TMEM260: variants seen among roughly 807,000 people sequenced by gnomAD.
TMEM260 encodes the protein transmembrane protein 260.
In TMEM260, 82 loss-of-function variants were observed where a neutral mutation model predicts 88.9. That is an observed-to-expected ratio of 0.92 (90% CI 0.77 to 1.11). TMEM260 has a LOEUF of 1.11. Among genes scored for constraint, TMEM260 ranks in the 50% least tolerant of loss-of-function variants. TMEM260 has a pLI of 0.00. For synonymous variants in TMEM260, 314 were observed against 309.3 expected (o/e 1.02, Z -0.16); for missense variants, 902 against 853.4 (o/e 1.06, Z -0.71).
intron 3 of TMEM260, among the ~76,000 whole-genome samples, chr14:56,591,014 T>A (rs1429103034): frequency 1.3e-5 from 2 of 152,204 alleles, no homozygotes; most frequent in Non-Finnish European, 2.9e-5. Context: ...ACTTTATAAT[T>A]GTGAAGCTAG....
downstream of TMEM260, chr14:56,650,209 G>T: frequency 7.6e-6 from 3 of 394,684 alleles, no homozygotes; most frequent in Non-Finnish European, 1.5e-5. Context: ...CCATGGTTTG[G>T]CAGGAAGACA....
At position 56,621,590 on chromosome 14, in the gene TMEM260, C is replaced by G; in HGVS notation, c.1286C>G (p.Ser429Cys). ...AAGTTCGCAAAGAACCTTCTCACCT[C>G]TATGCCTCATGATGCAATTATCTTA... ...IDKFAKNLLT[S>C]MPHDAIILLR... The change falls in exon 11 of 16, where the codon TCT (serine) becomes TGT (cysteine). Residue 429 changes from serine to cysteine, a missense_variant. Transcript: ENST00000261556. The G allele has an allele frequency of 6.2e-7, 1 of 1,613,580 alleles. No homozygotes were observed. The highest frequency in any genetic ancestry group is 8.5e-7 in the Non-Finnish European group (1 of 1,179,762).
At chr14:56,614,398 A>G (rs1422095721) in intron 7 of TMEM260, among the ~76,000 whole-genome samples, 1 of 152,032 alleles carries the variant, frequency 6.6e-6, no homozygotes, top group Non-Finnish European at 1.5e-5. Context: ...ATAAAGATAA[A>G]GACAGTCAAA....
chr14:56,650,291 A>C (rs2139667906), downstream of TMEM260: 2 of 320,188 alleles, frequency 6.2e-6, no homozygotes, highest in Non-Finnish European at 1.2e-5. Flanking sequence ...AAACTGTCTG[A>C]CTCTCCACAT....
intron 9 of TMEM260, among the ~76,000 whole-genome samples, chr14:56,618,318 C>T (rs1408256907): frequency 6.6e-6 from 1 of 152,114 alleles, no homozygotes; most frequent in African/African-American, 2.4e-5. Flanking sequence ...CTCCTTCAGC[C>T]TGTATATTAC....
At chr14:56,612,545 A>G (rs1887346616) in intron 7 of TMEM260, 2 of 469,688 alleles carry the variant, frequency 4.3e-6, no homozygotes, top group South Asian at 5.6e-5. Flanking sequence ...TATATAACCT[A>G]TTTACATCCT....
intron 2 of TMEM260, among the ~76,000 whole-genome samples, 199 bp downstream of exon 2, chr14:56,585,231 A>T (rs568625637): frequency 6.6e-6 from 1 of 152,254 alleles, no homozygotes; most frequent in African/African-American, 2.4e-5. Context: ...CCTTTACTAT[A>T]TATACAGTAG....
intron 15 of TMEM260, among the ~76,000 whole-genome samples, chr14:56,641,422 A>C (rs933972289): frequency 1.3e-5 from 2 of 152,218 alleles, no homozygotes; most frequent in African/African-American, 4.8e-5. Context: ...ACTAAGCTTC[A>C]TAAGTGAAGG....
intron 14 of TMEM260, 145 bp downstream of exon 14, chr14:56,635,097 T>TAATCATTATACATG: frequency 1.5e-6 from 1 of 674,674 alleles, no homozygotes; most frequent in Non-Finnish European, 2.6e-6. Flanking sequence ...GGCACTGTAC[T>TAATCATTATACATG]AATCATTATA....
chr14:56,613,247 A>G (rs1471586550), intron 7 of TMEM260: 1 of 152,188 alleles, frequency 6.6e-6, no homozygotes, highest in Non-Finnish European at 1.5e-5. Context: ...GCTGTTTGAA[A>G]AAAAACTATG....
At chr14:56,660,966 T>A in the TMEM260 span, among the ~76,000 whole-genome samples, 1 of 152,194 alleles carries the variant, frequency 6.6e-6, no homozygotes, top group Non-Finnish European at 1.5e-5. Flanking sequence ...GACAGCAACA[T>A]GACATATGTA....
intron 15 of TMEM260, among the ~76,000 whole-genome samples, chr14:56,643,945 AC>A (rs1262936704): frequency 6.6e-6 from 1 of 152,178 alleles, no homozygotes; most frequent in Non-Finnish European, 1.5e-5. Flanking sequence ...AATCCAACTT[AC>A]AAGGGATGTG....
chr14:56,636,668 A>C (rs767133839), intron 15 of TMEM260, 70 bp downstream of exon 15: 1 of 1,299,518 alleles, frequency 7.7e-7, no homozygotes, highest in Non-Finnish European at 1.1e-6. Context: ...TTCAGAATGG[A>C]TAGAGGGTAT....
chr14:56,604,042 CAG>C (rs753063955), intron 4 of TMEM260, 50 bp downstream of exon 4: 32 of 1,493,630 alleles, frequency 2.1e-5, no homozygotes, highest in Middle Eastern at 2.0e-4. Flanking sequence ...AATTTTTAGA[CAG>C]ATGTATTTCT....
chr14:56,580,133 G>C, intron 1 of TMEM260, 59 bp downstream of exon 1: 1 of 1,234,332 alleles, frequency 8.1e-7, no homozygotes, highest in Non-Finnish European at 1.0e-6. Flanking sequence ...GAACGGGCAG[G>C]GTCTGCGTCT....
rs369846175 is a variant in TMEM260 at position 56,580,048 on chromosome 14, C to T, written c.134C>T (p.Pro45Leu). The change falls in exon 1 of 16, where the codon CCC (proline) becomes CTC (leucine). Residue 45 changes from proline (P) to leucine (L), a missense_variant. Physicochemically the swap from Pro to Leu is moderately conservative, Grantham distance 98. Coordinates refer to ENST00000261556, the MANE Select transcript of TMEM260 (RefSeq NM_017799.4). ...GCCGCAGTGTTCACCTTCACCCTGC[C>T]CCCTTCGGTACCGGGGGGAGACTCC... ...AVAAVFTFTL[P>L]PSVPGGDSGE... is the part of the protein sequence containing the mutation. The T allele has an allele frequency of 2.1e-5, 26 of 1,251,888 alleles. No individual in the cohort carries two copies. Among genetic ancestry groups the T allele is most frequent in the East Asian group, 6.2e-5 (2 of 32,204 alleles). 77.5% of individuals were successfully genotyped at this position (1,251,888 alleles called of 1,614,324 possible).
chr14:56,656,066 G>C, the TMEM260 span, among the ~76,000 whole-genome samples: 1 of 152,166 alleles, frequency 6.6e-6, no homozygotes, highest in Non-Finnish European at 1.5e-5. Context: ...GTATAGTATA[G>C]TGATTAGACT....
downstream of TMEM260, among the ~76,000 whole-genome samples, chr14:56,653,741 C>CAAAAAAAAAAAAAAAA (rs370392374): frequency 2.5e-4 from 24 of 97,886 alleles, no homozygotes; most frequent in African/African-American, 8.4e-4. Flanking sequence ...GTCTCCAAAA[C>CAAAAAAAAAAAAAAAA]AAAAAAAAAA....
chr14:56,617,946 C>T (rs1265416996), intron 9 of TMEM260, among the ~76,000 whole-genome samples: 2 of 152,160 alleles, frequency 1.3e-5, no homozygotes, highest in Non-Finnish European at 1.5e-5. Context: ...TTGGAAAATG[C>T]AGCTTATATC....
Sources: allele counts gnomAD v4.1 joint callset (sites outside exome capture counted in the v4.1 genomes callset), GRCh38; gene constraint gnomAD v4.1.1; transcripts MANE v1.5; gene names NCBI Gene and HGNC (gene_info 2026-07-23, HGNC 2026-07-21).